Variants in SLC25A21 observed in about 807,000 individuals in gnomAD.
The protein encoded by SLC25A21 is solute carrier family 25 member 21, also known as mitochondrial 2-oxodicarboxylate carrier.
SLC25A21 carries 47 observed loss-of-function variants against 43.8 expected under a neutral mutation model. That is an observed-to-expected ratio of 1.07 (90% CI 0.85 to 1.37). The LOEUF (loss-of-function observed/expected upper bound fraction) is 1.37, where lower values mean the gene tolerates loss of function less well. Among genes scored for constraint, SLC25A21 ranks in the 40% most tolerant of loss-of-function variants. The pLI is 0.00. For synonymous variants in SLC25A21, 131 were observed against 121.3 expected, an observed-to-expected ratio of 1.08 and a Z score of -0.52; for missense variants, 352 against 350.2, an observed-to-expected ratio of 1.00 and a Z score of -0.04.
intron 1 of SLC25A21, among the ~76,000 whole-genome samples, chr14:37,082,387 T>TA (rs1243798492): frequency 1.3e-5 from 2 of 152,182 alleles, no homozygotes; most frequent in Non-Finnish European, 2.9e-5. Context: ...ACTCTGTATC[T>TA]AAAATCAAAG....
chr14:37,002,352 T>C (rs1179621542), intron 1 of SLC25A21, among the ~76,000 whole-genome samples: 1 of 152,164 alleles, frequency 6.6e-6, no homozygotes, highest in Non-Finnish European at 1.5e-5. Context: ...GTAGAAAGTT[T>C]TCATCTCAGC....
chr14:36,721,465 A>T (rs1011164335), intron 6 of SLC25A21, among the ~76,000 whole-genome samples: 9 of 152,154 alleles, frequency 5.9e-5, no homozygotes, highest in African/African-American at 2.2e-4. Context: ...ACTGATCACT[A>T]CCATTTTACC....
At chr14:36,799,231 T>C (rs1470064517) in intron 3 of SLC25A21, among the ~76,000 whole-genome samples, 1 of 151,716 alleles carries the variant, frequency 6.6e-6, no homozygotes, top group African/African-American at 2.4e-5. Context: ...GATGATGGGG[T>C]AGAGGAAGGA....
At chr14:37,138,381 T>A (rs960322982) in intron 1 of SLC25A21, among the ~76,000 whole-genome samples, 13 of 152,204 alleles carry the variant, frequency 8.5e-5, no homozygotes, top group Non-Finnish European at 1.8e-4. Context: ...TATTTTTATT[T>A]AAACTAAGTT....
At chr14:36,983,957 A>G (rs970334302) in intron 1 of SLC25A21, among the ~76,000 whole-genome samples, 3 of 152,236 alleles carry the variant, frequency 2.0e-5, no homozygotes, top group Middle Eastern at 3.4e-3. Flanking sequence ...CATGCATATA[A>G]AGACGGAAAT....
intron 1 of SLC25A21, among the ~76,000 whole-genome samples, chr14:36,896,499 GC>G (rs1180379126): frequency 2.0e-5 from 3 of 152,104 alleles, no homozygotes; most frequent in Non-Finnish European, 4.4e-5. Context: ...TATCCAATTT[GC>G]CAGTCTGTGT....
At chr14:37,016,379 T>A (rs1960856618) in intron 1 of SLC25A21, among the ~76,000 whole-genome samples, 1 of 152,150 alleles carries the variant, frequency 6.6e-6, no homozygotes. Flanking sequence ...TTCTGAGGGC[T>A]CTGTTCTGTT....
At chr14:36,894,818 T>C (rs925853023) in intron 1 of SLC25A21, among the ~76,000 whole-genome samples, 4 of 152,220 alleles carry the variant, frequency 2.6e-5, no homozygotes, top group Admixed American at 6.5e-5. Flanking sequence ...TTGTCATTGG[T>C]TCTGTTTATA....
chr14:37,092,386 T>C (rs972843943), intron 1 of SLC25A21, among the ~76,000 whole-genome samples: 2 of 152,200 alleles, frequency 1.3e-5, no homozygotes, highest in African/African-American at 2.4e-5. Context: ...CTTGGATTAC[T>C]GTTATTTGCT....
At chr14:36,951,806 AT>A (rs1462269516) in intron 1 of SLC25A21, among the ~76,000 whole-genome samples, 1 of 152,182 alleles carries the variant, frequency 6.6e-6, no homozygotes, top group African/African-American at 2.4e-5. Context: ...AAGACCCTGC[AT>A]TCTGAAAGCC....
intron 1 of SLC25A21, among the ~76,000 whole-genome samples, chr14:36,980,700 G>A (rs1960000121): frequency 6.6e-6 from 1 of 152,180 alleles, no homozygotes; most frequent in Non-Finnish European, 1.5e-5. Context: ...CATTGCTGGA[G>A]AGGAGCTGCA....
At chr14:37,085,705 T>C (rs1962471114) in intron 1 of SLC25A21, among the ~76,000 whole-genome samples, 1 of 152,226 alleles carries the variant, frequency 6.6e-6, no homozygotes, top group Admixed American at 6.5e-5. Context: ...TCGACTGAAG[T>C]GTAGATTATC....
chr14:36,876,079 C>T (rs541372425), intron 1 of SLC25A21, among the ~76,000 whole-genome samples: 8 of 152,260 alleles, frequency 5.3e-5, no homozygotes, highest in African/African-American at 9.6e-5. Context: ...TCAACTGATT[C>T]GCCCAAAGGC....
chr14:36,957,245 G>C (rs886323762), intron 1 of SLC25A21, among the ~76,000 whole-genome samples: 1 of 152,156 alleles, frequency 6.6e-6, no homozygotes, highest in Non-Finnish European at 1.5e-5. Context: ...CAAAGATCCA[G>C]AGACTCAAGG....
chr14:37,027,180 T>C (rs956301458), intron 1 of SLC25A21, among the ~76,000 whole-genome samples: 1 of 152,200 alleles, frequency 6.6e-6, no homozygotes, highest in African/African-American at 2.4e-5. Context: ...GGGAACTGGA[T>C]TCACAATTTA....
At chr14:37,118,293 GC>G (rs1253228050) in intron 1 of SLC25A21, among the ~76,000 whole-genome samples, 3 of 151,814 alleles carry the variant, frequency 2.0e-5, no homozygotes, top group African/African-American at 7.3e-5. Flanking sequence ...AAGTCCTGTG[GC>G]CCCACCTAGA....
intron 5 of SLC25A21, among the ~76,000 whole-genome samples, chr14:36,728,108 T>C (rs1215735049): frequency 6.6e-6 from 1 of 152,236 alleles, no homozygotes; most frequent in East Asian, 1.9e-4. Flanking sequence ...CTACATTTAC[T>C]GTTCGGTTTC....
chr14:36,978,957 A>G (rs560358100), intron 1 of SLC25A21, among the ~76,000 whole-genome samples: 1 of 152,286 alleles, frequency 6.6e-6, no homozygotes, highest in East Asian at 1.9e-4. Flanking sequence ...ACGTGCTGCC[A>G]CGCACCTGCA....
intron 1 of SLC25A21, among the ~76,000 whole-genome samples, chr14:36,939,438 G>A (rs1167812779): frequency 6.6e-6 from 1 of 151,812 alleles, no homozygotes; most frequent in Non-Finnish European, 1.5e-5. Context: ...TTGTTAAATG[G>A]CCATGTCAAA....
Sources: allele counts gnomAD v4.1 joint callset (sites outside exome capture counted in the v4.1 genomes callset), GRCh38; gene constraint gnomAD v4.1.1; transcripts MANE v1.5; gene names NCBI Gene and HGNC (gene_info 2026-07-23, HGNC 2026-07-21).